TMEM132E: variants seen among roughly 807,000 people sequenced by gnomAD.
The protein encoded by TMEM132E is transmembrane protein 132E.
A neutral mutation model predicts 78.5 loss-of-function variants in TMEM132E; 49 were observed. The observed-to-expected ratio is 0.62, with a 90% CI of 0.50 to 0.79. The LOEUF (loss-of-function observed/expected upper bound fraction) is 0.79. Ranked by LOEUF, TMEM132E falls within the 30% of genes least tolerant of loss-of-function variation. The pLI is 0.00. For missense variants in TMEM132E, 1,403 were observed against 1,470.9 expected (o/e 0.95, Z 0.75); for synonymous variants, 715 against 670.6 (o/e 1.07, Z -1.02).
chr17:34,627,467 C>CGTGTGTGT (rs145658598), intron 2 of TMEM132E, among the ~76,000 whole-genome samples: 11,724 of 126,410 alleles, frequency 0.093, 720 homozygotes, highest in Non-Finnish European at 0.12. Flanking sequence ...CCAAAAGAAT[C>CGTGTGTGT]GTGTGTGTGT....
chr17:34,620,786 C>T (rs556271678), intron 1 of TMEM132E, among the ~76,000 whole-genome samples: 64 of 152,284 alleles, frequency 4.2e-4, no homozygotes, highest in Non-Finnish European at 6.8e-4. Context: ...GAGGTATCAG[C>T]GAAGGCTTCA....
rs567858621 is a variant in TMEM132E at position 34,596,146 on chromosome 17, T to C, written c.67+15003T>C. 1.5e-4 allele frequency among the ~76,000 whole-genome samples: 23 copies of C among 152,232 alleles called. No individual in the cohort carries two copies. In the South Asian group the frequency reaches 4.8e-3, roughly 32 times the overall value. On this transcript the variant is annotated intron_variant, in intron 1 of 8. Transcript: ENST00000631683. ...GAAGGCCATCTTTAGAAGAGAGATT[T>C]CCCCTGTCTGGGGTGTGGCAAGAGG...
intron 1 of TMEM132E, among the ~76,000 whole-genome samples, chr17:34,609,910 C>T (rs1308967350): frequency 6.6e-6 from 1 of 152,176 alleles, no homozygotes; most frequent in Non-Finnish European, 1.5e-5. Context: ...GGTCCAGCCC[C>T]ATCTCTTTGC....
Position 34,638,230 on chromosome 17 carries a change from T to G in TMEM132E, c.3223T>G (p.Ter1075GluextTer6). ...NYMRRIKEIA[*>E] is the part of the protein sequence containing the mutation. Reference sequence around the variant, plus strand: ...CATGCGCAGAATCAAAGAGATTGCATAGAGGCGCCAGCCGGAGTAGCAGGG... The same window carrying G: ...CATGCGCAGAATCAAAGAGATTGCAGAGAGGCGCCAGCCGGAGTAGCAGGG... The change falls in exon 9 of 9, where the codon TAG becomes GAG. Residue 1075 changes from the stop codon to glutamate, a stop_lost. Transcript: ENST00000631683. 1 of 1,564,644 alleles carries G rather than the reference T, an allele frequency of 6.4e-7. No individual in the cohort carries two copies.
At chr17:34,616,191 A>C (rs997718349) in intron 1 of TMEM132E, among the ~76,000 whole-genome samples, 1 of 152,186 alleles carries the variant, frequency 6.6e-6, no homozygotes, top group African/African-American at 2.4e-5. Flanking sequence ...GCTGGGAGTC[A>C]GCAGGCAGGA....
At position 34,638,123 on chromosome 17, in the gene TMEM132E, A is replaced by T; in HGVS notation, c.3116A>T (p.Glu1039Val). 6 of 1,606,800 alleles carry T rather than the reference A, an allele frequency of 3.7e-6. No homozygotes were observed. The highest frequency in any genetic ancestry group is 4.2e-6 in the Non-Finnish European group (5 of 1,177,348). The change falls in exon 9 of 9, where the codon GAG becomes GTG. Residue 1039 changes from glutamate (E) to valine (V), a missense_variant. By Grantham distance (121) the Glu-to-Val change is moderately radical (BLOSUM62 -2). This residue lies in a region of TMEM132E where 888 missense variants were observed against 952.8 expected (regional missense o/e 0.93). Transcript: ENST00000631683. ...DSVPAGEEDE[E>V]EEEDLGWGCP... is the part of the protein sequence containing the mutation. ...GTGCCCGCGGGCGAAGAGGACGAGG[A>T]GGAGGAAGAGGACCTGGGTTGGGGC...
chr17:34,620,074 T>C (rs903583957), intron 1 of TMEM132E, among the ~76,000 whole-genome samples: 1 of 152,252 alleles, frequency 6.6e-6, no homozygotes, highest in Admixed American at 6.5e-5. Context: ...AGATCTTGAT[T>C]AGAAGCAGAG....
chr17:34,610,016 G>C (rs976615377), intron 1 of TMEM132E, among the ~76,000 whole-genome samples: 2 of 151,480 alleles, frequency 1.3e-5, no homozygotes, highest in African/African-American at 2.4e-5. Context: ...ACCCACCCAG[G>C]TCCCACCACA....
Position 34,638,007 on chromosome 17 carries a change from G to A in TMEM132E, c.3000G>A (p.Glu1000=). Residue 1000 remains glutamate (E), a synonymous_variant, in exon 9 of 9, where the codon GAG becomes GAA. Transcript: ENST00000631683. ...SSGGSARDQA[E]DPASSPTSKR... ...GCGGCTCAGCCCGAGACCAAGCCGA[G>A]GACCCCGCCAGCTCGCCCACCTCCA... 6.3e-7 allele frequency: 1 copy of A among 1,580,928 alleles called. No individual in the cohort carries two copies. The highest frequency in any genetic ancestry group is 8.6e-7 in the Non-Finnish European group (1 of 1,164,002).
rs779671166 is a variant in TMEM132E at position 34,638,919 on chromosome 17, G to A, written c.*687G>A. 6.6e-6 allele frequency: 1 copy of A among 152,500 alleles called. No homozygotes were observed. The highest frequency in any genetic ancestry group is 1.5e-5 in the Non-Finnish European group (1 of 68,046). 9.4% of individuals were successfully genotyped at this position (152,500 alleles called of 1,614,324 possible). ...CTCTGCCCCAAGGGCTTTGGGCAGG[G>A]ACCTAAAGGGGAAAGAGTCCTGGAT... On this transcript the variant is annotated 3_prime_UTR_variant, in exon 9 of 9. Coordinates refer to ENST00000631683, the MANE Select transcript of TMEM132E (RefSeq NM_001304438.2).
chr17:34,588,502 G>A (rs552871357), intron 1 of TMEM132E, among the ~76,000 whole-genome samples: 4 of 152,294 alleles, frequency 2.6e-5, no homozygotes, highest in South Asian at 2.1e-4. Context: ...ACACAGAGAC[G>A]TTGTCACTCA....
Position 34,637,500 on chromosome 17 carries a change from G to T in TMEM132E, c.2493G>T (p.Gly831=), listed in dbSNP as rs943200384. 6.8e-6 allele frequency: 11 copies of T among 1,606,852 alleles called. No homozygotes were observed. The African/African-American group carries it at 1.1e-4, about 16-fold the overall frequency. ...ACTACCCGGGCCCCAGCCAACCAGG[G>T]CCCGGCGGGGGCGAGGACGAGGCCC... ...TYDYPGPSQP[G]PGGGEDEARG... Residue 831 remains glycine (G), a synonymous_variant, in exon 9 of 9, where the codon GGG becomes GGT. Transcript: ENST00000631683.
At chr17:34,632,066 T>C (rs1483598595) in intron 5 of TMEM132E, among the ~76,000 whole-genome samples, 1 of 152,204 alleles carries the variant, frequency 6.6e-6, no homozygotes, top group East Asian at 1.9e-4. Context: ...GCCACATCCA[T>C]TGGTGGCAGC....
At chr17:34,599,247 G>T (rs1446671644) in intron 1 of TMEM132E, among the ~76,000 whole-genome samples, 1 of 152,234 alleles carries the variant, frequency 6.6e-6, no homozygotes, top group Non-Finnish European at 1.5e-5. Context: ...GAGCATGGAA[G>T]ATGAATGACT....
At chr17:34,586,089 A>C (rs375307021) in intron 1 of TMEM132E, among the ~76,000 whole-genome samples, 1 of 151,046 alleles carries the variant, frequency 6.6e-6, no homozygotes, top group African/African-American at 2.4e-5. Context: ...GCCCCTTCTT[A>C]CCTCCCTCAT....
intron 4 of TMEM132E, among the ~76,000 whole-genome samples, chr17:34,629,421 G>A (rs1167029862): frequency 6.6e-6 from 1 of 152,210 alleles, no homozygotes; most frequent in Non-Finnish European, 1.5e-5. Flanking sequence ...GGGGGCAGAG[G>A]TGGGAGATGT....
At chr17:34,625,510 T>C (rs1055071032) in intron 1 of TMEM132E, among the ~76,000 whole-genome samples, 1 of 152,198 alleles carries the variant, frequency 6.6e-6, no homozygotes, top group Non-Finnish European at 1.5e-5. Context: ...TTAAGTGTCC[T>C]GCACCTTAGT....
At position 34,629,124 on chromosome 17, in the gene TMEM132E, G is replaced by T. The variant is rs200525802; in HGVS notation, c.1258G>T (p.Ala420Ser). ...GCACATTGACTACCGTGGCCACGGC[G>T]CCCTGCCTGACCTGGAGCGGGCAGT... is the stretch of plus-strand genomic sequence containing the variant. ...MWHIDYRGHG[A>S]LPDLERAVTE... Residue 420 changes from alanine (A) to serine (S), a missense_variant, in exon 4 of 9, where the codon GCC becomes TCC. Coordinates refer to ENST00000631683, the MANE Select transcript of TMEM132E (RefSeq NM_001304438.2). 4.1e-5 allele frequency: 66 copies of T among 1,613,610 alleles called. No homozygotes were observed. Among genetic ancestry groups the T allele is most frequent in the Non-Finnish European group, 1.7e-5 (20 of 1,179,778 alleles).
At chr17:34,631,182 T>C (rs1021394329) in intron 5 of TMEM132E, among the ~76,000 whole-genome samples, 1 of 152,234 alleles carries the variant, frequency 6.6e-6, no homozygotes, top group African/African-American at 2.4e-5. Context: ...TGTCTCTCTC[T>C]CTATGCTTTG....
Sources: gnomAD v4.1 joint callset for allele counts (sites outside exome capture counted in the v4.1 genomes callset) on GRCh38, gnomAD v4.1.1 for gene constraint, gnomAD v4.1.1 regional missense constraint, MANE v1.5 for transcripts, NCBI Gene and HGNC (gene_info 2026-07-23, HGNC 2026-07-21) for gene names.